The following ZZEF1 variants were observed in gnomAD, a reference collection of about 807,000 sequenced individuals.
ZZEF1 encodes the protein zinc finger ZZ-type and EF-hand domain-containing protein 1.
ZZEF1 carries 157 observed loss-of-function variants against 342.8 expected under a neutral mutation model. The ratio of observed to expected loss-of-function variants is 0.46; its 90% confidence interval spans 0.40 to 0.52. The LOEUF (loss-of-function observed/expected upper bound fraction) is 0.52. Ranked by LOEUF, ZZEF1 falls within the 20% of genes least tolerant of loss-of-function variation. The pLI, the probability that ZZEF1 is intolerant of heterozygous loss-of-function variation, is 0.00. For synonymous variants in ZZEF1, 1,505 were observed against 1,429.1 expected (o/e 1.05, Z -1.20); for missense variants, 3,480 against 3,725.6 (o/e 0.93, Z 1.72).
intron 1 of ZZEF1, among the ~76,000 whole-genome samples, chr17:4,131,244 C>A (rs375545980): frequency 6.6e-6 from 1 of 152,084 alleles, no homozygotes; most frequent in Non-Finnish European, 1.5e-5. Flanking sequence ...GACACCCGCA[C>A]AGCCGACCTA....
At chr17:4,137,235 T>C (rs7218401) in intron 1 of ZZEF1, among the ~76,000 whole-genome samples, 16,278 of 152,060 alleles carry the variant, frequency 0.11, 1,044 homozygotes, top group African/African-American at 0.17. Flanking sequence ...TCCATAGCTC[T>C]CCTAGGTCAT....
At chr17:4,038,191 G>A (rs1227267330) in intron 39 of ZZEF1, among the ~76,000 whole-genome samples, 2 of 152,210 alleles carry the variant, frequency 1.3e-5, no homozygotes, top group Non-Finnish European at 2.9e-5. Context: ...AAGCTTTCAT[G>A]TGCTGCCGTG....
At position 4,051,954 on chromosome 17, in the gene ZZEF1, G is replaced by T; in HGVS notation, c.5600+17C>A. On this transcript the variant is annotated intron_variant, in intron 35 of 54. Transcript: ENST00000381638. ...TGTAAATAAAAGGCTTGGTGGCGAC[G>T]GTCACTTGAGACATACCCGTAGGAG... 2 of 1,598,602 alleles carry T rather than the reference G, an allele frequency of 1.3e-6. No individual in the cohort carries two copies. Among genetic ancestry groups the T allele is most frequent in the Non-Finnish European group, 1.7e-6 (2 of 1,169,398 alleles).
At chr17:4,106,791 C>A (rs2058220166) in intron 6 of ZZEF1, among the ~76,000 whole-genome samples, 1 of 152,132 alleles carries the variant, frequency 6.6e-6, no homozygotes, top group Admixed American at 6.5e-5. Context: ...CTGAATGTAC[C>A]ATGAAAAATT....
At position 4,074,243 on chromosome 17, in the gene ZZEF1, C is replaced by T. The variant is rs2145290504; in HGVS notation, c.3592G>A (p.Val1198Ile). The T allele has an allele frequency of 6.2e-7, 1 of 1,614,184 alleles. No individual in the cohort carries two copies. Among genetic ancestry groups the T allele is most frequent in the Non-Finnish European group, 8.5e-7 (1 of 1,180,038 alleles). ...FTVTACGLPD[V>I]AVSWGLDLQL... Reference sequence around the variant, plus strand: ...AAATCCAGCCCCCAAGACACGGCAACATCGGGCAGCCCACAGGCAGTGACA... The same window carrying T: ...AAATCCAGCCCCCAAGACACGGCAATATCGGGCAGCCCACAGGCAGTGACA... The change falls in exon 24 of 55, where the codon GTT (valine) becomes ATT (isoleucine). Residue 1198 changes from valine to isoleucine, a missense_variant. Val to Ile is a conservative substitution (Grantham distance 29). Coordinates refer to ENST00000381638, the MANE Select transcript of ZZEF1 (RefSeq NM_015113.4).
intron 39 of ZZEF1, among the ~76,000 whole-genome samples, chr17:4,037,179 A>C (rs2056691998): frequency 6.6e-6 from 1 of 152,208 alleles, no homozygotes; most frequent in African/African-American, 2.4e-5. Context: ...TTGTTTGATG[A>C]GAAACAGGAT....
intron 13 of ZZEF1, among the ~76,000 whole-genome samples, chr17:4,088,215 T>G (rs2057876264): frequency 6.6e-6 from 1 of 152,216 alleles, no homozygotes; most frequent in African/African-American, 2.4e-5. Context: ...GTTATATTAC[T>G]GACTGTAAGA....
At position 4,044,258 on chromosome 17, in the gene ZZEF1, T is replaced by C; in HGVS notation, c.6132A>G (p.Ser2044=). ...CTGTAGGTGGGCTAGCATCTGCAGG[T>C]GAATCTGAAATTTGGGTCTGGCATG... ...DPSCQTQISD[S]PADASPPTGL... is the part of the protein sequence containing the mutation. Residue 2044 remains serine (S), a synonymous_variant, in exon 38 of 55, where the codon TCA becomes TCG. Transcript: ENST00000381638. The C allele has an allele frequency of 1.2e-6, 2 of 1,614,164 alleles. No individual in the cohort carries two copies. The highest frequency in any genetic ancestry group is 1.7e-6 in the Non-Finnish European group (2 of 1,180,002).
intron 18 of ZZEF1, among the ~76,000 whole-genome samples, chr17:4,078,860 A>G (rs1266322701): frequency 6.6e-6 from 1 of 152,172 alleles, no homozygotes; most frequent in African/African-American, 2.4e-5. Context: ...AAAATTTCAG[A>G]CCAGGTACAT....
chr17:4,059,865 C>T (rs1162438279), intron 30 of ZZEF1, among the ~76,000 whole-genome samples: 1 of 152,244 alleles, frequency 6.6e-6, no homozygotes, highest in Admixed American at 6.5e-5. Flanking sequence ...TCATCTCTGA[C>T]ACACTGATGC....
chr17:4,051,855 G>T, intron 35 of ZZEF1, 116 bp downstream of exon 35: 2 of 1,077,010 alleles, frequency 1.9e-6, no homozygotes, highest in Non-Finnish European at 1.3e-6. Context: ...CTTTACTTTT[G>T]GTTATGTTTA....
intron 1 of ZZEF1, among the ~76,000 whole-genome samples, chr17:4,128,144 G>C (rs1210832660): frequency 6.6e-6 from 1 of 152,064 alleles, no homozygotes; most frequent in East Asian, 1.9e-4. Flanking sequence ...CCAGGAATTT[G>C]AGACCAGCCT....
At chr17:4,022,940 A>AAG in intron 43 of ZZEF1, 112 bp from the exon 44 acceptor site, 1 of 1,365,734 alleles carries the variant, frequency 7.3e-7, no homozygotes, top group Non-Finnish European at 9.9e-7. Flanking sequence ...CATTCAACAC[A>AAG]TACTTTTGAA....
chr17:4,050,066 G>A (rs920208281), intron 36 of ZZEF1, among the ~76,000 whole-genome samples: 8 of 152,134 alleles, frequency 5.3e-5, no homozygotes, highest in African/African-American at 1.9e-4. Flanking sequence ...AATAGCAAGG[G>A]ATACCTGCAC....
intron 33 of ZZEF1, 66 bp downstream of exon 33, chr17:4,056,150 C>T (rs2057155272): frequency 1.4e-6 from 2 of 1,424,472 alleles, no homozygotes; most frequent in Admixed American, 2.4e-5. Context: ...AGAACCCCCC[C>T]AGGCAAACTC....
In ZZEF1 at chr17:4,009,742, AAGGTCACAC is replaced by A. The variant is rs1362102024; in HGVS notation, c.8586_8594del (p.Cys2863_Leu2865del). 1.2e-6 allele frequency: 2 copies of A among 1,614,058 alleles called. No homozygotes were observed. Among genetic ancestry groups the A allele is most frequent in the Non-Finnish European group, 1.7e-6 (2 of 1,180,008 alleles). ...GCTGCCACAGGGGCTTCAACAGCGC[AAGGTCACAC>A]AGGTCACTGCAGGAGGAGCCCCGGA... is the stretch of plus-strand genomic sequence containing the variant. On this transcript the variant is annotated inframe_deletion, in exon 53 of 55. Transcript: ENST00000381638.
chr17:4,073,504 T>A (rs956959257), intron 24 of ZZEF1, among the ~76,000 whole-genome samples: 1 of 152,214 alleles, frequency 6.6e-6, no homozygotes, highest in Non-Finnish European at 1.5e-5. Context: ...TGATCACAGC[T>A]CACTGCATGC....
In ZZEF1 at chr17:4,061,296, C is replaced by A. The variant is rs147905622; in HGVS notation, c.4883+1457G>T. On this transcript the variant is annotated intron_variant, in intron 30 of 54. Coordinates refer to ENST00000381638, the MANE Select transcript of ZZEF1 (RefSeq NM_015113.4). Reference sequence around the variant, plus strand: ...CTCTTGACTTCTGGGACAACAGCATCCCCTGGTTTTTGATCTACCTGACTG... The same window carrying A: ...CTCTTGACTTCTGGGACAACAGCATACCCTGGTTTTTGATCTACCTGACTG... Among the ~76,000 whole-genome samples, 623 of 152,276 alleles carry A rather than the reference C, an allele frequency of 4.1e-3. 2 individuals carry two copies. Among genetic ancestry groups the A allele is most frequent in the Non-Finnish European group, 7.6e-3 (514 of 68,010 alleles).
chr17:4,140,871 G>C (rs2058832782), intron 1 of ZZEF1, among the ~76,000 whole-genome samples: 1 of 150,086 alleles, frequency 6.7e-6, no homozygotes, highest in Non-Finnish European at 1.5e-5. Context: ...TGTATTCCTG[G>C]GGGGAAAAAA....
Sources: allele counts gnomAD v4.1 joint callset (sites outside exome capture counted in the v4.1 genomes callset), GRCh38; gene constraint gnomAD v4.1.1; transcripts MANE v1.5; gene names NCBI Gene and HGNC (gene_info 2026-07-23, HGNC 2026-07-21).